HBS1L: variants seen among roughly 807,000 people sequenced by gnomAD.
HBS1L encodes the protein HBS1-like protein.
In HBS1L, 55 loss-of-function variants were observed where a neutral mutation model predicts 88.9. The ratio of observed to expected loss-of-function variants is 0.62; its 90% CI spans 0.50 to 0.77. HBS1L has a LOEUF of 0.77. HBS1L is among the 30% of genes least tolerant of loss of function. HBS1L has a pLI of 0.00. For missense variants in HBS1L, 741 were observed against 829.3 expected (o/e 0.89, Z 1.31); for synonymous variants, 267 against 288.5 (o/e 0.93, Z 0.76).
intron 4 of HBS1L, among the ~76,000 whole-genome samples, chr6:135,010,420 C>T (rs944042198): frequency 6.6e-6 from 1 of 152,076 alleles, no homozygotes; most frequent in Non-Finnish European, 1.5e-5. Context: ...ATAATAATAT[C>T]CTTGGAAGAA....
chr6:135,046,503 T>C (rs1488478495), intron 2 of HBS1L, among the ~76,000 whole-genome samples: 1 of 152,186 alleles, frequency 6.6e-6, no homozygotes, highest in Non-Finnish European at 1.5e-5. Context: ...CCCCTACTCT[T>C]TGACATAGGT....
At position 134,962,635 on chromosome 6, in the gene HBS1L, A is replaced by G. The variant is rs1025103770; in HGVS notation, c.*2644T>C. ...TAGTTCTGTAATGTGTTCAAGCCAC[A>G]TTATCCTAGAGGTTAACTGCTCAGA... On this transcript the variant is annotated 3_prime_UTR_variant, in exon 18 of 18. Transcript: ENST00000367837. 1 of 152,258 alleles carries G rather than the reference A, an allele frequency of 6.6e-6. No individual in the cohort carries two copies. The highest frequency in any genetic ancestry group is 2.1e-4 in the South Asian group (1 of 4,832). The allele number at this position is 152,258 out of a possible 1,614,324, so 9.4% of individuals were successfully genotyped here.
chr6:134,974,279 A>G (rs970348037), intron 15 of HBS1L, among the ~76,000 whole-genome samples: 3 of 152,094 alleles, frequency 2.0e-5, no homozygotes, highest in African/African-American at 7.2e-5. Context: ...ATTTTCAACA[A>G]CAACAAAAAA....
chr6:135,037,145 A>C (rs757474039), intron 4 of HBS1L: 2 of 1,551,590 alleles, frequency 1.3e-6, no homozygotes, highest in African/African-American at 2.7e-5. Context: ...TGAAATGCCA[A>C]TGACGACAGA....
intron 15 of HBS1L, among the ~76,000 whole-genome samples, chr6:134,973,691 C>G (rs555984878): frequency 1.3e-5 from 2 of 152,262 alleles, no homozygotes; most frequent in African/African-American, 4.8e-5. Flanking sequence ...GTAGTGCACA[C>G]CTGTAGTCCC....
chr6:134,979,397 G>A, intron 13 of HBS1L, 129 bp from the exon 14 acceptor site: 2 of 669,662 alleles, frequency 3.0e-6, no homozygotes, highest in Non-Finnish European at 5.4e-6. Context: ...TGGATTGAGA[G>A]TAAGAAGTGT....
chr6:135,010,843 C>T (rs1289890359), intron 4 of HBS1L, among the ~76,000 whole-genome samples: 1 of 151,868 alleles, frequency 6.6e-6, no homozygotes, highest in Non-Finnish European at 1.5e-5. Flanking sequence ...TATCAAGATA[C>T]CAGATATCTA....
intron 2 of HBS1L, among the ~76,000 whole-genome samples, chr6:135,047,558 C>T (rs1776950776): frequency 6.6e-6 from 1 of 152,140 alleles, no homozygotes; most frequent in African/African-American, 2.4e-5. Context: ...GGTGGAGTCC[C>T]CAACATTGCA....
intron 7 of HBS1L, among the ~76,000 whole-genome samples, chr6:134,994,333 T>C (rs1318246590): frequency 6.6e-6 from 1 of 152,152 alleles, no homozygotes; most frequent in African/African-American, 2.4e-5. Flanking sequence ...GTTAATATGC[T>C]ACATATTTAG....
intron 2 of HBS1L, among the ~76,000 whole-genome samples, chr6:135,045,801 T>C (rs1776895198): frequency 6.6e-6 from 1 of 151,208 alleles, no homozygotes; most frequent in South Asian, 2.1e-4. Context: ...ATCGTGCCAC[T>C]GCACTCCAGC....
intron 14 of HBS1L, 106 bp downstream of exon 14, chr6:134,979,072 G>A (rs947597396): frequency 1.3e-6 from 1 of 758,234 alleles, no homozygotes; most frequent in African/African-American, 1.7e-5. Flanking sequence ...GTCTATTTTT[G>A]GTCAAATGAA....
intron 7 of HBS1L, among the ~76,000 whole-genome samples, chr6:134,996,065 T>C (rs1775280717): frequency 6.6e-6 from 1 of 152,168 alleles, no homozygotes. Context: ...CACAGGACTT[T>C]ATAGGTTTGT....
intron 15 of HBS1L, among the ~76,000 whole-genome samples, chr6:134,974,858 G>C (rs1774597809): frequency 6.6e-6 from 1 of 152,088 alleles, no homozygotes; most frequent in South Asian, 2.1e-4. Flanking sequence ...AACAAGACAA[G>C]GATGTTCACT....
intron 2 of HBS1L, among the ~76,000 whole-genome samples, chr6:135,046,103 T>C (rs1177740378): frequency 6.6e-6 from 1 of 152,214 alleles, no homozygotes; most frequent in East Asian, 1.9e-4. Flanking sequence ...GCATTAATCC[T>C]GGTAGTCTGA....
At chr6:134,966,301 T>C (rs1292627295) in intron 17 of HBS1L, 28 bp downstream of exon 17, 10 of 1,590,060 alleles carry the variant, frequency 6.3e-6, no homozygotes, top group Admixed American at 3.5e-5. Flanking sequence ...ACTATGGATA[T>C]ATAATGAGTC....
chr6:134,969,995 A>C (rs1774435342), intron 15 of HBS1L, among the ~76,000 whole-genome samples: 1 of 152,214 alleles, frequency 6.6e-6, no homozygotes, highest in Non-Finnish European at 1.5e-5. Context: ...AACGTTTTTA[A>C]CTATACTGGG....
intron 2 of HBS1L, among the ~76,000 whole-genome samples, chr6:135,048,529 C>A (rs1353677072): frequency 6.6e-6 from 1 of 152,196 alleles, no homozygotes; most frequent in Admixed American, 6.5e-5. Context: ...CAGCAAAGAA[C>A]CCTCTCCTCA....
intron 4 of HBS1L, among the ~76,000 whole-genome samples, chr6:135,035,568 A>G (rs921230161): frequency 1.3e-5 from 2 of 151,066 alleles, no homozygotes; most frequent in Middle Eastern, 3.4e-3. Flanking sequence ...GTGAAACCCC[A>G]TCTCTACTAA....
At chr6:134,969,161 A>G in intron 16 of HBS1L, 77 bp downstream of exon 16, 1 of 924,020 alleles carries the variant, frequency 1.1e-6, no homozygotes, top group Non-Finnish European at 1.8e-6. Context: ...CACAAAGAGA[A>G]ATACTACACA....
Sources: gnomAD v4.1 joint callset for allele counts (sites outside exome capture counted in the v4.1 genomes callset) on GRCh38, gnomAD v4.1.1 for gene constraint, MANE v1.5 for transcripts, NCBI Gene and HGNC (gene_info 2026-07-23, HGNC 2026-07-21) for gene names.